Variants in C1orf50 observed in about 807,000 individuals in gnomAD.
The protein encoded by C1orf50 is uncharacterized protein C1orf50.
A neutral mutation model predicts 23.3 loss-of-function variants in C1orf50; 22 were observed. The observed-to-expected ratio is 0.94, with a 90% CI of 0.67 to 1.35. C1orf50 has a LOEUF of 1.35. C1orf50 is among the 40% of genes most tolerant of loss of function. The pLI is 0.00. For missense variants in C1orf50, 271 were observed against 249.4 expected, an observed-to-expected ratio of 1.09 and a Z score of -0.58; for synonymous variants, 96 against 102.4, an observed-to-expected ratio of 0.94 and a Z score of 0.38.
rs1653339987 is a variant in C1orf50, at chr1:42,776,337, T to TA, written c.*944dup. 1 of 152,252 alleles carries TA rather than the reference T, an allele frequency of 6.6e-6. No homozygotes were observed. Among genetic ancestry groups the TA allele is most frequent in the Non-Finnish European group, 1.5e-5 (1 of 68,038 alleles). 9.4% of individuals were successfully genotyped at this position (152,252 alleles called of 1,614,324 possible). A position where few individuals can be genotyped will look rare whatever the true frequency, so the allele number is the denominator to read the frequency against. ...GAACTTAACAGGGTTTTGGCAAAAT[T>TA]ACTGTAGTTCTTATTCTGACTAGGC... On this transcript the variant is annotated 3_prime_UTR_variant, in exon 5 of 5. Transcript: ENST00000372525.
At position 42,767,574 on chromosome 1, in the gene C1orf50, CG is replaced by C; in HGVS notation, c.148del (p.Ala50ProfsTer5). 6.2e-7 allele frequency: 1 copy of C among 1,611,594 alleles called. No individual in the cohort carries two copies. Among genetic ancestry groups the C allele is most frequent in the Non-Finnish European group, 8.5e-7 (1 of 1,179,496 alleles). Reference protein sequence around the residue: ...LALVSPYHTHRAGDPLDLVAL... With the variant: ...LALVSPYHTHXAGDPLDLVAL... ...CCTGGTGAGCCCCTACCACACCCAC[CG>C]GGCCGGGGACCCCTTAGACCTCGTG... On this transcript the variant is annotated frameshift_variant, in exon 2 of 5. Transcript: ENST00000372525. LOFTEE classifies it high-confidence loss of function.
intron 2 of C1orf50, 63 bp from the exon 3 acceptor site, chr1:42,773,500 A>G (rs1334249528): frequency 2.9e-6 from 3 of 1,020,212 alleles, no homozygotes; most frequent in Non-Finnish European, 4.5e-6. Flanking sequence ...TGGGATCAAG[A>G]TAAGAACATC....
Position 42,778,526 on chromosome 1 carries a change from TG to T in C1orf50, c.*3136del, listed in dbSNP as rs1391207523. On this transcript the variant is annotated 3_prime_UTR_variant, in exon 5 of 5. Coordinates refer to ENST00000372525, the MANE Select transcript of C1orf50 (RefSeq NM_024097.4). Reference sequence around the variant, plus strand: ...CATAGGAAGTTTGTCTTTTGGGGGTTGGGGTAGGGTTCATTTTTGGATGGAG... The same window carrying T: ...CATAGGAAGTTTGTCTTTTGGGGGTTGGGTAGGGTTCATTTTTGGATGGAG... 2 of 152,086 alleles carry T rather than the reference TG, an allele frequency of 1.3e-5. No homozygotes were observed. The highest frequency in any genetic ancestry group is 2.9e-5 in the Non-Finnish European group (2 of 68,016). The allele number at this position is 152,086 out of a possible 1,614,324, so 9.4% of individuals were successfully genotyped here. A position where few individuals can be genotyped will look rare whatever the true frequency, so the allele number is the denominator to read the frequency against.
rs1256918984 is a variant in C1orf50, at chr1:42,778,122, T to TG, written c.*2732dup. ...GGGCTAGTGGCAATGTGAGGTGATT[T>TG]GGGGCACCTCAGAATGGGAAACTAG... On this transcript the variant is annotated 3_prime_UTR_variant, in exon 5 of 5. Transcript: ENST00000372525. 1 of 152,074 alleles carries TG rather than the reference T, an allele frequency of 6.6e-6. No individual in the cohort carries two copies. The highest frequency in any genetic ancestry group is 1.5e-5 in the Non-Finnish European group (1 of 68,004). 9.4% of individuals were successfully genotyped at this position (152,074 alleles called of 1,614,324 possible).
At chr1:42,769,243 TA>T (rs1024603873) in intron 2 of C1orf50, among the ~76,000 whole-genome samples, 3 of 147,376 alleles carry the variant, frequency 2.0e-5, no homozygotes, top group African/African-American at 7.5e-5. Context: ...GTGAGACTCT[TA>T]AAAAAAAACA....
At chr1:42,774,633 G>A in intron 3 of C1orf50, 104 bp from the exon 4 acceptor site, 3 of 1,280,330 alleles carry the variant, frequency 2.3e-6, no homozygotes, top group Non-Finnish European at 3.2e-6. Flanking sequence ...GGGGGAGCAA[G>A]ATCCTAAGCA....
chr1:42,771,305 C>T (rs1653216281), intron 2 of C1orf50, among the ~76,000 whole-genome samples: 1 of 152,114 alleles, frequency 6.6e-6, no homozygotes, highest in Non-Finnish European at 1.5e-5. Context: ...GTTAGTGTGG[C>T]TGAGGAACCG....
At position 42,767,597 on chromosome 1, in the gene C1orf50, CGT is replaced by C; in HGVS notation, c.170_171del (p.Val57GlyfsTer10). ...ACCGGGCCGGGGACCCCTTAGACCT[CGT>C]GGCGCTCGCAGAGCAGGTGCAGAAG... is the stretch of plus-strand genomic sequence containing the variant. ...THRAGDPLDL[V>X]ALAEQVQKAD... On this transcript the variant is annotated frameshift_variant, in exon 2 of 5. Transcript: ENST00000372525. LOFTEE classifies it high-confidence loss of function. 1 of 1,611,894 alleles carries C rather than the reference CGT, an allele frequency of 6.2e-7. No individual in the cohort carries two copies. Among genetic ancestry groups the C allele is most frequent in the Non-Finnish European group, 8.5e-7 (1 of 1,179,532 alleles).
intron 2 of C1orf50, among the ~76,000 whole-genome samples, chr1:42,769,235 G>A (rs1212581235): frequency 6.6e-6 from 1 of 151,214 alleles, no homozygotes; most frequent in African/African-American, 2.4e-5. Flanking sequence ...GTGACAGAGT[G>A]AGACTCTTAA....
Position 42,770,469 on chromosome 1 carries a change from G to C in C1orf50, c.195+2845G>C, listed in dbSNP as rs568161610. On this transcript the variant is annotated intron_variant, in intron 2 of 4. Coordinates refer to ENST00000372525, the MANE Select transcript of C1orf50 (RefSeq NM_024097.4). ...TTTTTTGAGATGGAGTTTCGCTCTT[G>C]TTGCCCAGGCTGGAGTGCAATGGCG... 2.5e-3 allele frequency among the ~76,000 whole-genome samples: 365 copies of C among 143,380 alleles called. 1 individual carries two copies. Among genetic ancestry groups the C allele is most frequent in the African/African-American group, 9.1e-3 (351 of 38,532 alleles). 94.1% of individuals were successfully genotyped at this position (143,380 alleles called of 152,430 possible).
Position 42,777,744 on chromosome 1 carries a change from A to T in C1orf50, c.*2350A>T, listed in dbSNP as rs1653368774. On this transcript the variant is annotated 3_prime_UTR_variant, in exon 5 of 5. Coordinates refer to ENST00000372525, the MANE Select transcript of C1orf50 (RefSeq NM_024097.4). ...CTATCTGCCACAGTGCTCAGTTGAG[A>T]AGAAGAAAGGAAAATTCTAGGTAAA... The T allele has an allele frequency of 6.6e-6, 1 of 152,192 alleles. No homozygotes were observed. Among genetic ancestry groups the T allele is most frequent in the African/African-American group, 2.4e-5 (1 of 41,436 alleles). 9.4% of individuals were successfully genotyped at this position (152,192 alleles called of 1,614,324 possible). A position where few individuals can be genotyped will look rare whatever the true frequency, so the allele number is the denominator to read the frequency against.
In C1orf50 at chr1:42,777,280, G is replaced by C. The variant is rs933815421; in HGVS notation, c.*1886G>C. 2.6e-5 allele frequency: 4 copies of C among 152,182 alleles called. No individual in the cohort carries two copies. The highest frequency in any genetic ancestry group is 9.7e-5 in the African/African-American group (4 of 41,400). The allele number at this position is 152,182 out of a possible 1,614,324, so 9.4% of individuals were successfully genotyped here. A position where few individuals can be genotyped will look rare whatever the true frequency, so the allele number is the denominator to read the frequency against. On this transcript the variant is annotated 3_prime_UTR_variant, in exon 5 of 5. Transcript: ENST00000372525. The stretch of plus-strand genomic sequence containing the variant: ...CCAGCTAATTTTTTTATTTTTAGTA[G>C]AGACAGGGTTTCACCATGTTGGCCA...
chr1:42,775,377 C>G lies in C1orf50; in HGVS notation c.583C>G (p.Gln195Glu). The G allele has an allele frequency of 6.3e-7, 1 of 1,591,438 alleles. No individual in the cohort carries two copies. Residue 195 changes from glutamine to glutamate, a missense_variant, in exon 5 of 5, where the codon CAG (glutamine) becomes GAG (glutamate). Gln to Glu is a conservative substitution (Grantham distance 29). Transcript: ENST00000372525. ...GCCTCCGTGCACTGAACCCAACTTC[C>G]AGGGACTGACTCACTGAGAGTGGGC... ...ALPPCTEPNFQGLTH is the reference protein window; with the variant it reads ...ALPPCTEPNFEGLTH
chr1:42,769,290 A>T (rs1340635220), intron 2 of C1orf50, among the ~76,000 whole-genome samples: 2 of 152,178 alleles, frequency 1.3e-5, no homozygotes, highest in African/African-American at 4.8e-5. Context: ...TCACGCCTGT[A>T]ATCTTAGCAC....
chr1:42,772,157 G>C (rs1653238333), intron 2 of C1orf50, among the ~76,000 whole-genome samples: 1 of 152,118 alleles, frequency 6.6e-6, no homozygotes, highest in African/African-American at 2.4e-5. Flanking sequence ...GCCTAGTGTG[G>C]TGTCTGACAC....
At chr1:42,775,183 G>T (rs551524759) in intron 4 of C1orf50, 26 bp from the exon 5 acceptor site, 1 of 1,575,594 alleles carries the variant, frequency 6.3e-7, no homozygotes, top group South Asian at 1.1e-5. Context: ...CACGCTGATG[G>T]GAACTGCCTC....
intron 2 of C1orf50, 55 bp from the exon 3 acceptor site, chr1:42,773,508 A>C (rs1653267066): frequency 9.4e-7 from 1 of 1,065,268 alleles, no homozygotes; most frequent in Non-Finnish European, 1.4e-6. Flanking sequence ...AGATAAGAAC[A>C]TCATAGAAGT....
intron 2 of C1orf50, among the ~76,000 whole-genome samples, chr1:42,771,341 T>C (rs1435679501): frequency 6.6e-6 from 1 of 152,228 alleles, no homozygotes; most frequent in Non-Finnish European, 1.5e-5. Context: ...TTGATTTTAA[T>C]TAATTTGAAT....
chr1:42,775,376 C>G lies in C1orf50; in HGVS notation c.582C>G (p.Phe194Leu). 1.3e-6 allele frequency: 2 copies of G among 1,592,756 alleles called. No homozygotes were observed. Among genetic ancestry groups the G allele is most frequent in the Non-Finnish European group, 1.7e-6 (2 of 1,163,004 alleles). The part of the protein sequence containing the change: ...VALPPCTEPN[F>L]QGLTH ...TGCCTCCGTGCACTGAACCCAACTTCCAGGGACTGACTCACTGAGAGTGGG... is the reference window on the plus strand; with the variant it reads ...TGCCTCCGTGCACTGAACCCAACTTGCAGGGACTGACTCACTGAGAGTGGG... Residue 194 changes from phenylalanine to leucine, a missense_variant, in exon 5 of 5, where the codon TTC becomes TTG. Transcript: ENST00000372525.
Sources: allele counts gnomAD v4.1 joint callset (sites outside exome capture counted in the v4.1 genomes callset), GRCh38; gene constraint gnomAD v4.1.1; transcripts MANE v1.5; gene names NCBI Gene and HGNC (gene_info 2026-07-23, HGNC 2026-07-21).